CLVS1: variants seen among roughly 807,000 people sequenced by gnomAD.
The protein encoded by CLVS1 is clavesin 1, also known as clavesin-1.
A neutral mutation model predicts 33.1 loss-of-function variants in CLVS1; 10 were observed. The ratio of observed to expected loss-of-function variants is 0.30; its 90% CI spans 0.19 to 0.51. The LOEUF is 0.51. Ranked by LOEUF, CLVS1 falls within the 20% of genes least tolerant of loss-of-function variation. The pLI, the probability that CLVS1 is intolerant of heterozygous loss-of-function variation, is 0.97. For missense variants in CLVS1, 343 were observed against 433.4 expected, an observed-to-expected ratio of 0.79 and a Z score of 1.85; for synonymous variants, 163 against 166.1, an observed-to-expected ratio of 0.98 and a Z score of 0.14.
chr8:61,289,974 A>G (rs1809928120), intron 1 of CLVS1, among the ~76,000 whole-genome samples: 1 of 152,254 alleles, frequency 6.6e-6, no homozygotes, highest in Non-Finnish European at 1.5e-5. Flanking sequence ...TTGGTCATCC[A>G]CATAATGTCC....
At chr8:61,097,267 G>C (rs986314265) in intron 1 of CLVS1, among the ~76,000 whole-genome samples, 2 of 151,734 alleles carry the variant, frequency 1.3e-5, no homozygotes, top group African/African-American at 4.8e-5. Flanking sequence ...TCTCCAGCCA[G>C]GGTAACAGAG....
chr8:61,432,214 G>T (rs1014866049), intron 3 of CLVS1, among the ~76,000 whole-genome samples: 1 of 152,188 alleles, frequency 6.6e-6, no homozygotes, highest in Non-Finnish European at 1.5e-5. Flanking sequence ...ATTAGCATTA[G>T]AACTAAATTC....
At chr8:61,151,373 A>T (rs1367873044) in intron 2 of CLVS1, among the ~76,000 whole-genome samples, 1 of 152,232 alleles carries the variant, frequency 6.6e-6, no homozygotes, top group Non-Finnish European at 1.5e-5. Flanking sequence ...TAATATTCGC[A>T]ATAACCCTAT....
chr8:61,236,883 G>A (rs369175590), intron 2 of CLVS1, among the ~76,000 whole-genome samples: 32 of 152,176 alleles, frequency 2.1e-4, no homozygotes, highest in African/African-American at 7.7e-4. Context: ...GGATGCGAGA[G>A]GTCAGGGAGC....
intron 2 of CLVS1, among the ~76,000 whole-genome samples, chr8:61,275,699 A>G (rs1809549884): frequency 6.6e-6 from 1 of 152,224 alleles, no homozygotes; most frequent in Non-Finnish European, 1.5e-5. Flanking sequence ...TCGCGCAATG[A>G]AGAAAACAAC....
intron 5 of CLVS1, among the ~76,000 whole-genome samples, chr8:61,469,022 G>GT (rs1181869227): frequency 1.3e-5 from 2 of 152,180 alleles, no homozygotes; most frequent in African/African-American, 2.4e-5. Flanking sequence ...CAGAGGTGGA[G>GT]TGACCTCGAA....
intron 5 of CLVS1, among the ~76,000 whole-genome samples, chr8:61,468,859 G>T (rs1228575034): frequency 1.3e-5 from 2 of 152,212 alleles, no homozygotes; most frequent in South Asian, 2.1e-4. Context: ...CCGCTTATCG[G>T]AATTCCAGAA....
intron 1 of CLVS1, among the ~76,000 whole-genome samples, chr8:61,061,654 G>A (rs985857296): frequency 5.9e-5 from 9 of 151,848 alleles, no homozygotes; most frequent in African/African-American, 1.7e-4. Flanking sequence ...GCCCTGATTC[G>A]CTCACATGGG....
intron 2 of CLVS1, among the ~76,000 whole-genome samples, chr8:61,339,559 C>T (rs565410848): frequency 6.6e-6 from 1 of 152,256 alleles, no homozygotes; most frequent in South Asian, 2.1e-4. Context: ...ACCAATTACT[C>T]ACCTGTGCCC....
chr8:61,114,012 C>T (rs978768030), intron 1 of CLVS1, among the ~76,000 whole-genome samples: 11 of 152,214 alleles, frequency 7.2e-5, no homozygotes, highest in African/African-American at 2.4e-4. Context: ...CCTTGTGGCC[C>T]TGTATCAACT....
At position 61,125,385 on chromosome 8, in the gene CLVS1, C is replaced by T. The variant is rs184086058; in HGVS notation, c.-242-6385C>T. Among the ~76,000 whole-genome samples, 582 of 152,206 alleles carry T rather than the reference C, an allele frequency of 3.8e-3. 5 individuals carry two copies. The highest frequency in any genetic ancestry group is 0.013 in the African/African-American group (531 of 41,524). On this transcript the variant is annotated intron_variant, in intron 1 of 2. Coordinates refer to the CLVS1 transcript ENST00000522621. ...GGGGGGCTAGGTGCAGAGAGCTGAA[C>T]AAAGCAGCTTTACCCATAAGGGGTT...
intron 2 of CLVS1, among the ~76,000 whole-genome samples, chr8:61,252,096 C>G (rs1463877986): frequency 6.6e-6 from 1 of 152,122 alleles, no homozygotes; most frequent in African/African-American, 2.4e-5. Flanking sequence ...AAATGTGTCC[C>G]AGAGATTCTG....
chr8:61,183,876 G>A (rs1284112122), intron 2 of CLVS1, among the ~76,000 whole-genome samples: 1 of 152,152 alleles, frequency 6.6e-6, no homozygotes, highest in African/African-American at 2.4e-5. Flanking sequence ...CCTTAGCAGA[G>A]CAACGTTAGG....
chr8:61,467,569 C>T (rs1275349306), intron 5 of CLVS1, among the ~76,000 whole-genome samples: 1 of 151,990 alleles, frequency 6.6e-6, no homozygotes, highest in East Asian at 1.9e-4. Context: ...AAATCCTGGA[C>T]GAAACAGGAT....
At chr8:61,385,122 A>G (rs1446257182) in intron 3 of CLVS1, among the ~76,000 whole-genome samples, 1 of 152,204 alleles carries the variant, frequency 6.6e-6, no homozygotes, top group Non-Finnish European at 1.5e-5. Context: ...TGGAAGAAGT[A>G]TTCCATCATA....
At chr8:61,193,133 A>G (rs1563439418) in intron 2 of CLVS1, among the ~76,000 whole-genome samples, 1 of 152,200 alleles carries the variant, frequency 6.6e-6, no homozygotes, top group Non-Finnish European at 1.5e-5. Flanking sequence ...ATGTCCATCA[A>G]TGATAGACTG....
chr8:61,096,181 C>G (rs1460403314), intron 1 of CLVS1, among the ~76,000 whole-genome samples: 1 of 152,170 alleles, frequency 6.6e-6, no homozygotes, highest in African/African-American at 2.4e-5. Context: ...GCTCGATGTT[C>G]TGAAAATTGA....
At chr8:61,082,998 AAG>A (rs60487377) in intron 1 of CLVS1, among the ~76,000 whole-genome samples, 45,581 of 147,434 alleles carry the variant, frequency 0.31, 7,292 homozygotes, top group East Asian at 0.59. Flanking sequence ...CATAAAAAAA[AAG>A]AAGAAGAAAT....
intron 2 of CLVS1, among the ~76,000 whole-genome samples, chr8:61,144,597 G>A (rs980134812): frequency 6.6e-6 from 1 of 152,044 alleles, no homozygotes; most frequent in African/African-American, 2.4e-5. Flanking sequence ...GGGTCAAATG[G>A]TATTTCTGGT....
Sources: allele counts gnomAD v4.1 joint callset (sites outside exome capture counted in the v4.1 genomes callset), GRCh38; gene constraint gnomAD v4.1.1; transcripts MANE v1.5; gene names NCBI Gene and HGNC (gene_info 2026-07-23, HGNC 2026-07-21).